The following OSTF1 variants were observed in gnomAD, a reference collection of about 807,000 sequenced individuals.
OSTF1 encodes osteoclast-stimulating factor 1.
A neutral mutation model predicts 37.2 loss-of-function variants in OSTF1; 27 were observed. That is an observed-to-expected ratio of 0.73 (90% CI 0.54 to 1.00). OSTF1 has a LOEUF of 1.00. Ranked by LOEUF, OSTF1 falls within the 50% of genes least tolerant of loss-of-function variation. The probability of loss-of-function intolerance (pLI) is 0.00; values close to 1 mark genes in which losing one functional copy is unlikely to be tolerated. For missense variants in OSTF1, 232 were observed against 253.8 expected, an observed-to-expected ratio of 0.91 and a Z score of 0.58; for synonymous variants, 82 against 89.2, an observed-to-expected ratio of 0.92 and a Z score of 0.46.
chr9:75,145,171 C>CT (rs1826002744), intron 9 of OSTF1, among the ~76,000 whole-genome samples: 2 of 63,030 alleles, frequency 3.2e-5, no homozygotes, highest in South Asian at 7.1e-4. Context: ...ACCTATCTAT[C>CT]TATCTAATCT....
At chr9:75,121,011 C>CA (rs1275290491) in intron 2 of OSTF1, among the ~76,000 whole-genome samples, 2 of 152,210 alleles carry the variant, frequency 1.3e-5, no homozygotes, top group African/African-American at 4.8e-5. Context: ...TGCTCATAGA[C>CA]ACAGCGTCTG....
intron 1 of OSTF1, among the ~76,000 whole-genome samples, chr9:75,113,142 A>G (rs1825421143): frequency 6.6e-6 from 1 of 152,152 alleles, no homozygotes; most frequent in Non-Finnish European, 1.5e-5. Context: ...TTCTGGTAAC[A>G]GGGATCTGAG....
intron 5 of OSTF1, among the ~76,000 whole-genome samples, chr9:75,133,008 CA>C (rs1456569482): frequency 2.4e-3 from 70 of 28,856 alleles, no homozygotes; most frequent in African/African-American, 6.3e-3. Context: ...CACACACACA[CA>C]CACCCCTATA....
rs755278682 is a variant in OSTF1 at position 75,140,946 on chromosome 9, ATTC to A, written c.586+20_586+22del. 68 of 1,561,740 alleles carry A rather than the reference ATTC, an allele frequency of 4.4e-5. No individual in the cohort carries two copies. Among genetic ancestry groups the A allele is most frequent in the Non-Finnish European group, 6.2e-6 (7 of 1,133,090 alleles). ...AACAGGGAACAGGTATTTGTTTTAAATTCTTCTTTCTCCTCTGGTGCCCCATAA... is the reference window on the plus strand; with the variant it reads ...AACAGGGAACAGGTATTTGTTTTAAATTCTTTCTCCTCTGGTGCCCCATAA... On this transcript the variant is annotated intron_variant, in intron 9 of 9. Coordinates refer to ENST00000346234, the MANE Select transcript of OSTF1 (RefSeq NM_012383.5).
chr9:75,097,550 G>C (rs905843217), intron 1 of OSTF1, among the ~76,000 whole-genome samples: 1 of 152,150 alleles, frequency 6.6e-6, no homozygotes, highest in African/African-American at 2.4e-5. Flanking sequence ...CAAGTCTTCA[G>C]TGTCTTGATG....
chr9:75,114,552 T>TA (rs1323857356), intron 1 of OSTF1, among the ~76,000 whole-genome samples: 1 of 111,842 alleles, frequency 8.9e-6, no homozygotes, highest in African/African-American at 3.6e-5. Flanking sequence ...TATTTAATAT[T>TA]AATTTTTTTT....
At chr9:75,134,899 A>G (rs1825819558) in intron 7 of OSTF1, among the ~76,000 whole-genome samples, 1 of 152,124 alleles carries the variant, frequency 6.6e-6, no homozygotes, top group African/African-American at 2.4e-5. Context: ...TTTAAAACTC[A>G]TTTTTTGTTA....
intron 1 of OSTF1, among the ~76,000 whole-genome samples, chr9:75,090,029 C>T (rs894585213): frequency 6.6e-6 from 1 of 152,024 alleles, no homozygotes; most frequent in Non-Finnish European, 1.5e-5. Context: ...GAGTTGGGTT[C>T]TGCATTGCAT....
In OSTF1 at chr9:75,146,819, T is replaced by G; in HGVS notation, c.*78T>G. On this transcript the variant is annotated 3_prime_UTR_variant, in exon 10 of 10. Coordinates refer to ENST00000346234, the MANE Select transcript of OSTF1 (RefSeq NM_012383.5). ...AACTTTGTCTTTGCCAGAAAAGTGT[T>G]GGTAACTATAAAGAAAATTATATAT... 1.9e-6 allele frequency: 2 copies of G among 1,033,926 alleles called. No homozygotes were observed. Among genetic ancestry groups the G allele is most frequent in the Non-Finnish European group, 3.0e-6 (2 of 676,270 alleles). The allele number at this position is 1,033,926 out of a possible 1,614,324, so 64.0% of individuals were successfully genotyped here.
At chr9:75,143,201 A>C (rs1825970323) in intron 9 of OSTF1, among the ~76,000 whole-genome samples, 1 of 152,110 alleles carries the variant, frequency 6.6e-6, no homozygotes, top group South Asian at 2.1e-4. Context: ...TTGGCCTCCC[A>C]AGGTAGTTGT....
intron 8 of OSTF1, among the ~76,000 whole-genome samples, chr9:75,140,154 A>G (rs1001853280): frequency 2.0e-5 from 3 of 152,232 alleles, no homozygotes; most frequent in Non-Finnish European, 4.4e-5. Flanking sequence ...GTCTATATCA[A>G]TATGTGTATG....
chr9:75,117,939 A>G (rs1825518347), intron 2 of OSTF1, among the ~76,000 whole-genome samples: 1 of 152,052 alleles, frequency 6.6e-6, no homozygotes, highest in Non-Finnish European at 1.5e-5. Flanking sequence ...TTCCAGAACA[A>G]TTTTTTATTC....
chr9:75,107,709 C>T (rs1002779724), intron 1 of OSTF1, among the ~76,000 whole-genome samples: 5 of 152,154 alleles, frequency 3.3e-5, no homozygotes, highest in African/African-American at 9.7e-5. Flanking sequence ...AAAATACACA[C>T]ATACATGACC....
At position 75,088,552 on chromosome 9, in the gene OSTF1, C is replaced by T. The variant is rs1483617125; in HGVS notation, c.-141C>T. 37 of 881,334 alleles carry T rather than the reference C, an allele frequency of 4.2e-5. No homozygotes were observed. The South Asian group carries it at 4.7e-4, about 11-fold the overall frequency. 54.6% of individuals were successfully genotyped at this position (881,334 alleles called of 1,614,324 possible). On this transcript the variant is annotated 5_prime_UTR_variant, in exon 1 of 10. Coordinates refer to ENST00000346234, the MANE Select transcript of OSTF1 (RefSeq NM_012383.5). Reference sequence around the variant, plus strand: ...GCTCTGCCTGCGTCCGCTCTTCCCGCAGCCAAGGGTGGGCGCCGGTCCTAG... The same window carrying T: ...GCTCTGCCTGCGTCCGCTCTTCCCGTAGCCAAGGGTGGGCGCCGGTCCTAG...
intron 9 of OSTF1, among the ~76,000 whole-genome samples, chr9:75,142,240 G>A (rs996332374): frequency 2.0e-5 from 3 of 152,194 alleles, no homozygotes; most frequent in Admixed American, 6.5e-5. Flanking sequence ...TAAGGGAATG[G>A]GAAAGTATCA....
At chr9:75,132,986 CA>C (rs1825786098) in intron 5 of OSTF1, among the ~76,000 whole-genome samples, 2 of 87,154 alleles carry the variant, frequency 2.3e-5, no homozygotes, top group African/African-American at 4.0e-5. Flanking sequence ...CACACACACA[CA>C]CACACACACA....
intron 9 of OSTF1, among the ~76,000 whole-genome samples, chr9:75,144,384 T>C (rs10781266): frequency 0.65 from 98,425 of 151,884 alleles, 32,099 homozygotes; most frequent in Non-Finnish European, 0.69. Context: ...GATGACGTCT[T>C]TACAAAAAAA....
intron 1 of OSTF1, among the ~76,000 whole-genome samples, chr9:75,097,797 T>C (rs1825114202): frequency 6.6e-6 from 1 of 152,028 alleles, no homozygotes; most frequent in African/African-American, 2.4e-5. Flanking sequence ...AGCACCAATT[T>C]TGTAGTTAAC....
chr9:75,145,220 C>T (rs1163034223), intron 9 of OSTF1, among the ~76,000 whole-genome samples: 1 of 151,662 alleles, frequency 6.6e-6, no homozygotes, highest in African/African-American at 2.4e-5. Flanking sequence ...TATCCATCTA[C>T]TTACCTACCT....
Sources: gnomAD v4.1 joint callset for allele counts (sites outside exome capture counted in the v4.1 genomes callset) on GRCh38, gnomAD v4.1.1 for gene constraint, MANE v1.5 for transcripts, NCBI Gene and HGNC (gene_info 2026-07-23, HGNC 2026-07-21) for gene names.